Variants in FMNL2 observed in about 807,000 individuals in gnomAD.
The protein encoded by FMNL2 is formin-like protein 2.
A neutral mutation model predicts 130.2 loss-of-function variants in FMNL2; 51 were observed. That is an observed-to-expected ratio of 0.39 (90% CI 0.31 to 0.49). FMNL2 has a LOEUF of 0.49. Among genes scored for constraint, FMNL2 ranks in the 20% least tolerant of loss-of-function variants. The probability of loss-of-function intolerance (pLI) is 0.85; values close to 1 mark genes in which losing one functional copy is unlikely to be tolerated. For synonymous variants in FMNL2, 465 were observed against 467.1 expected (o/e 1.00, Z 0.06); for missense variants, 977 against 1,316.2 (o/e 0.74, Z 3.99).
intron 2 of FMNL2, among the ~76,000 whole-genome samples, chr2:152,535,250 C>T (rs1693933821): frequency 6.6e-6 from 1 of 152,204 alleles, no homozygotes; most frequent in Admixed American, 6.5e-5. Flanking sequence ...ACATATCCCT[C>T]CTTTCTCTGC....
intron 1 of FMNL2, chr2:152,390,322 T>C: frequency 8.2e-7 from 1 of 1,223,344 alleles, no homozygotes; most frequent in Non-Finnish European, 1.2e-6. Context: ...GAAGTGAAGG[T>C]AGGGGAGAGC....
chr2:152,437,102 C>A (rs1274586253), intron 1 of FMNL2, among the ~76,000 whole-genome samples: 4 of 152,112 alleles, frequency 2.6e-5, no homozygotes, highest in Non-Finnish European at 5.9e-5. Context: ...TTTCTTCATC[C>A]TTTTATAAGG....
Position 152,619,172 on chromosome 2 carries a change from G to GC in FMNL2, c.1627+15dup. On this transcript the variant is annotated intron_variant, in intron 14 of 25. Coordinates refer to ENST00000288670, the MANE Select transcript of FMNL2 (RefSeq NM_052905.4). ...CACCTGAAACAGGTAAGAAGCCTTGGCAGGAGGACTGAGGAAGTTTTGGAA... is the reference window on the plus strand; with the variant it reads ...CACCTGAAACAGGTAAGAAGCCTTGGCCAGGAGGACTGAGGAAGTTTTGGAA... The GC allele has an allele frequency of 6.5e-7, 1 of 1,536,160 alleles. No homozygotes were observed. The highest frequency in any genetic ancestry group is 8.7e-7 in the Non-Finnish European group (1 of 1,145,992).
chr2:152,555,078 C>A (rs1386419563), intron 4 of FMNL2, among the ~76,000 whole-genome samples: 1 of 152,146 alleles, frequency 6.6e-6, no homozygotes, highest in East Asian at 1.9e-4. Context: ...GTGACAAATA[C>A]AATAAATAAG....
intron 1 of FMNL2, among the ~76,000 whole-genome samples, chr2:152,475,375 C>T (rs6434046): frequency 0.043 from 6,583 of 152,248 alleles, 474 homozygotes; most frequent in African/African-American, 0.15. Context: ...AGATAGATGT[C>T]CAACCTCTTA....
At chr2:152,494,822 T>C (rs1691411413) in intron 1 of FMNL2, among the ~76,000 whole-genome samples, 1 of 152,226 alleles carries the variant, frequency 6.6e-6, no homozygotes, top group African/African-American at 2.4e-5. Flanking sequence ...AGTGACCTGG[T>C]ACGCTTTTTG....
At chr2:152,500,532 TC>T (rs888499540) in intron 1 of FMNL2, among the ~76,000 whole-genome samples, 4 of 152,096 alleles carry the variant, frequency 2.6e-5, no homozygotes, top group African/African-American at 9.7e-5. Flanking sequence ...CTCTACCATA[TC>T]CCAGTATCCT....
At chr2:152,362,604 A>G (rs13029771) in intron 1 of FMNL2, among the ~76,000 whole-genome samples, 115,505 of 151,406 alleles carry the variant, frequency 0.76, 45,240 homozygotes, top group Admixed American at 0.86. Flanking sequence ...TTTTTTTGTG[A>G]TAGTGCAGAA....
chr2:152,613,413 G>A (rs1322436035), intron 11 of FMNL2, among the ~76,000 whole-genome samples: 1 of 152,158 alleles, frequency 6.6e-6, no homozygotes, highest in Non-Finnish European at 1.5e-5. Flanking sequence ...TGAATCTCAT[G>A]AAAAATCCCA....
chr2:152,615,603 C>T (rs1195322507), intron 12 of FMNL2, among the ~76,000 whole-genome samples: 1 of 152,100 alleles, frequency 6.6e-6, no homozygotes, highest in Non-Finnish European at 1.5e-5. Context: ...TTTTTCTTGC[C>T]ATAGACTGAT....
At chr2:152,513,272 C>T (rs1413126408) in intron 1 of FMNL2, among the ~76,000 whole-genome samples, 2 of 152,146 alleles carry the variant, frequency 1.3e-5, no homozygotes, top group African/African-American at 2.4e-5. Context: ...TCCATCATCT[C>T]TCAAGTTACC....
intron 1 of FMNL2, among the ~76,000 whole-genome samples, chr2:152,418,088 T>C (rs530033914): frequency 1.2e-4 from 18 of 152,232 alleles, no homozygotes; most frequent in Non-Finnish European, 2.2e-4. Context: ...TCAGATAATC[T>C]GCCTGCCTTA....
intron 1 of FMNL2, among the ~76,000 whole-genome samples, chr2:152,493,201 A>G (rs1027420843): frequency 1.3e-5 from 2 of 152,214 alleles, no homozygotes; most frequent in Non-Finnish European, 2.9e-5. Context: ...ATTATGGAAA[A>G]TGTTCTCGAG....
At chr2:152,369,705 G>A (rs1683763962) in intron 1 of FMNL2, among the ~76,000 whole-genome samples, 1 of 152,180 alleles carries the variant, frequency 6.6e-6, no homozygotes, top group Admixed American at 6.5e-5. Flanking sequence ...AGGACCATGG[G>A]GTCTGAGTTA....
At chr2:152,448,598 A>T (rs1439876937) in intron 1 of FMNL2, among the ~76,000 whole-genome samples, 2 of 152,214 alleles carry the variant, frequency 1.3e-5, no homozygotes, top group African/African-American at 4.8e-5. Context: ...GACTGTCAGT[A>T]TGGCATAAAA....
intron 2 of FMNL2, among the ~76,000 whole-genome samples, chr2:152,542,289 T>C (rs1465528037): frequency 6.6e-6 from 1 of 152,208 alleles, no homozygotes; most frequent in Non-Finnish European, 1.5e-5. Context: ...TTTTGTTATT[T>C]TCAAAGATAA....
At chr2:152,397,229 A>AACTTC (rs1207584247) in intron 1 of FMNL2, among the ~76,000 whole-genome samples, 2 of 152,196 alleles carry the variant, frequency 1.3e-5, no homozygotes, top group Non-Finnish European at 2.9e-5. Flanking sequence ...TAAATGAAAG[A>AACTTC]ACTTCAATGT....
chr2:152,609,027 A>G (rs1698540981), intron 10 of FMNL2, among the ~76,000 whole-genome samples: 1 of 152,146 alleles, frequency 6.6e-6, no homozygotes, highest in Admixed American at 6.6e-5. Flanking sequence ...AGTCCACACC[A>G]TTCCCTTTGC....
chr2:152,571,051 C>A (rs577136654), intron 6 of FMNL2, among the ~76,000 whole-genome samples: 122 of 152,328 alleles, frequency 8.0e-4, no homozygotes, highest in African/African-American at 2.8e-3. Context: ...ATCCCTCCCT[C>A]TCCAGTTCCA....
Sources: allele counts gnomAD v4.1 joint callset (sites outside exome capture counted in the v4.1 genomes callset), GRCh38; gene constraint gnomAD v4.1.1; transcripts MANE v1.5; gene names NCBI Gene and HGNC (gene_info 2026-07-23, HGNC 2026-07-21).